CADM2: variants seen among roughly 807,000 people sequenced by gnomAD.
The protein encoded by CADM2 is cell adhesion molecule 2.
Under a neutral mutation model 49.8 loss-of-function variants are expected in CADM2, and 12 were observed. The observed-to-expected ratio is 0.24, with a 90% confidence interval of 0.15 to 0.39. The LOEUF is 0.39. CADM2 is among the 10% of genes least tolerant of loss of function. The pLI, the probability that CADM2 is intolerant of heterozygous loss-of-function variation, is 1.00. For synonymous variants in CADM2, 214 were observed against 175.4 expected, an observed-to-expected ratio of 1.22 and a Z score of -1.74; for missense variants, 378 against 492.3, an observed-to-expected ratio of 0.77 and a Z score of 2.20.
chr3:85,371,429 C>A (rs1030851072), intron 1 of CADM2, among the ~76,000 whole-genome samples: 1 of 151,816 alleles, frequency 6.6e-6, no homozygotes, highest in Non-Finnish European at 1.5e-5. Context: ...GCAGTCAGTG[C>A]AATAACATTC....
intron 1 of CADM2, among the ~76,000 whole-genome samples, chr3:85,204,465 A>G (rs7615358): frequency 6.6e-6 from 1 of 152,114 alleles, no homozygotes; most frequent in South Asian, 2.1e-4. Context: ...TTTACGTTCC[A>G]TCTCCTCTAA....
At chr3:85,404,025 T>C (rs2035250960) in intron 1 of CADM2, among the ~76,000 whole-genome samples, 1 of 152,172 alleles carries the variant, frequency 6.6e-6, no homozygotes, top group Non-Finnish European at 1.5e-5. Flanking sequence ...ATATATATTA[T>C]ATGTAGATAT....
At chr3:85,701,877 AT>A (rs2107710625) in intron 1 of CADM2, among the ~76,000 whole-genome samples, 1 of 150,104 alleles carries the variant, frequency 6.7e-6, no homozygotes, top group African/African-American at 2.4e-5. Context: ...AGATAGATAG[AT>A]AGATAGATAG....
chr3:85,734,360 G>T (rs1172389971), intron 2 of CADM2, among the ~76,000 whole-genome samples: 1 of 151,838 alleles, frequency 6.6e-6, no homozygotes, highest in Non-Finnish European at 1.5e-5. Context: ...ATTCCTAAGA[G>T]ATATTTCCAA....
chr3:85,819,392 G>A (rs959041546), intron 3 of CADM2, among the ~76,000 whole-genome samples: 2 of 152,028 alleles, frequency 1.3e-5, no homozygotes, highest in African/African-American at 4.8e-5. Flanking sequence ...ATCCAATCAG[G>A]TTGACACTTA....
At chr3:85,667,496 C>T (rs2107624362) in intron 1 of CADM2, among the ~76,000 whole-genome samples, 1 of 152,078 alleles carries the variant, frequency 6.6e-6, no homozygotes, top group East Asian at 1.9e-4. Context: ...GCCATATTAG[C>T]CATTGCAGCT....
At chr3:85,860,754 G>C (rs2075497674) in intron 3 of CADM2, among the ~76,000 whole-genome samples, 1 of 152,076 alleles carries the variant, frequency 6.6e-6, no homozygotes, top group Admixed American at 6.5e-5. Flanking sequence ...TGGGAGTTAG[G>C]GTTTCCACAT....
At chr3:85,875,251 T>C (rs1431083233) in intron 3 of CADM2, among the ~76,000 whole-genome samples, 1 of 152,158 alleles carries the variant, frequency 6.6e-6, no homozygotes, top group East Asian at 1.9e-4. Context: ...TATTTTTTTT[T>C]CCTGGCAATT....
chr3:85,790,664 C>T (rs962080719), intron 2 of CADM2, among the ~76,000 whole-genome samples: 4 of 152,224 alleles, frequency 2.6e-5, no homozygotes, highest in South Asian at 2.1e-4. Flanking sequence ...CCATAGTGAA[C>T]GCTAGGATTC....
intron 1 of CADM2, among the ~76,000 whole-genome samples, chr3:85,504,622 T>A (rs2040245828): frequency 1.3e-5 from 2 of 152,198 alleles, no homozygotes; most frequent in Admixed American, 1.3e-4. Flanking sequence ...ACCCAGTAGA[T>A]ACCTCACCGG....
At chr3:85,764,134 A>G (rs556027244) in intron 2 of CADM2, among the ~76,000 whole-genome samples, 1 of 152,252 alleles carries the variant, frequency 6.6e-6, no homozygotes, top group Admixed American at 6.5e-5. Flanking sequence ...AAAATTCAGT[A>G]TCAAGTTTAT....
intron 1 of CADM2, among the ~76,000 whole-genome samples, chr3:85,066,660 C>T (rs189073214): frequency 2.0e-5 from 3 of 152,220 alleles, no homozygotes; most frequent in East Asian, 3.9e-4. Context: ...TCCTCCCCTG[C>T]TGTCTACTCT....
chr3:85,752,597 C>A (rs73845636), intron 2 of CADM2, among the ~76,000 whole-genome samples: 7,640 of 151,804 alleles, frequency 0.05, 533 homozygotes, highest in African/African-American at 0.15. Context: ...GCATTGTTAC[C>A]CAGGAAGAAA....
chr3:85,008,379 T>C (rs1480299695), intron 1 of CADM2, among the ~76,000 whole-genome samples: 2 of 152,176 alleles, frequency 1.3e-5, no homozygotes, highest in African/African-American at 2.4e-5. Context: ...ACCCATTCAA[T>C]TTTCAGTTGC....
chr3:85,541,508 T>TA (rs2061537264), intron 1 of CADM2, among the ~76,000 whole-genome samples: 1 of 150,080 alleles, frequency 6.7e-6, no homozygotes. Flanking sequence ...GAACTTATAT[T>TA]AAAAAAATGA....
chr3:85,244,020 A>G (rs1459165967), intron 1 of CADM2, among the ~76,000 whole-genome samples: 2 of 152,122 alleles, frequency 1.3e-5, no homozygotes, highest in African/African-American at 4.8e-5. Context: ...TAACAACTGA[A>G]TATTTTCAAA....
At chr3:85,665,144 G>T (rs373769773) in intron 1 of CADM2, among the ~76,000 whole-genome samples, 2 of 151,980 alleles carry the variant, frequency 1.3e-5, no homozygotes, top group South Asian at 2.1e-4. Context: ...TTAATTACAA[G>T]CATTTTCAAT....
chr3:85,220,861 C>T (rs1278743813), intron 1 of CADM2, among the ~76,000 whole-genome samples: 5 of 151,934 alleles, frequency 3.3e-5, no homozygotes, highest in Non-Finnish European at 7.4e-5. Flanking sequence ...TTGGATAATA[C>T]TCTAAACTGA....
At chr3:85,161,890 G>A (rs1348392559) in intron 1 of CADM2, among the ~76,000 whole-genome samples, 9 of 151,896 alleles carry the variant, frequency 5.9e-5, no homozygotes, top group Admixed American at 5.9e-4. Context: ...GGTGGCAGTC[G>A]CCTATAATCC....
Sources: allele counts gnomAD v4.1 joint callset (sites outside exome capture counted in the v4.1 genomes callset), GRCh38; gene constraint gnomAD v4.1.1; transcripts MANE v1.5; gene names NCBI Gene and HGNC (gene_info 2026-07-23, HGNC 2026-07-21).